CHDH: variants seen among roughly 807,000 people sequenced by gnomAD.
CHDH encodes choline dehydrogenase, also known as choline dehydrogenase, mitochondrial.
A neutral mutation model predicts 56.9 loss-of-function variants in CHDH; 43 were observed. The ratio of observed to expected loss-of-function variants is 0.76; its 90% CI spans 0.59 to 0.97. The LOEUF (loss-of-function observed/expected upper bound fraction) is 0.97, where lower values mean the gene tolerates loss of function less well. Among genes scored for constraint, CHDH ranks in the 50% least tolerant of loss-of-function variants. CHDH has a pLI of 0.00. For synonymous variants in CHDH, 364 were observed against 348.5 expected (o/e 1.04, Z -0.50); for missense variants, 816 against 821.1 (o/e 0.99, Z 0.08).
Position 53,813,154 on chromosome 3 carries a change from T to G in CHDH, c.*4623A>C, listed in dbSNP as rs981731238. On this transcript the variant is annotated 3_prime_UTR_variant, in exon 9 of 9. Coordinates refer to ENST00000315251, the MANE Select transcript of CHDH (RefSeq NM_018397.5). ...ATTTTTTTTTTTTTTTTTTTTTTTGTAAATAACAAACACCACTTTGTTATG... is the reference window on the plus strand; with the variant it reads ...ATTTTTTTTTTTTTTTTTTTTTTTGGAAATAACAAACACCACTTTGTTATG... 6 of 51,262 alleles carry G rather than the reference T, an allele frequency of 1.2e-4. No homozygotes were observed. Among genetic ancestry groups the G allele is most frequent in the Non-Finnish European group, 2.3e-4 (6 of 26,176 alleles). 3.2% of individuals were successfully genotyped at this position (51,262 alleles called of 1,614,324 possible).
rs2095632000 is a variant in CHDH, at chr3:53,823,425, T to C, written c.584A>G (p.Asn195Ser). ...GPLRVSRGKTNHPLHCAFLEA... is the reference protein window; with the variant it reads ...GPLRVSRGKTSHPLHCAFLEA... Reference sequence around the variant, plus strand: ...CAGGAATGCGCAGTGCAGCGGGTGGTTGGTCTTGCCCCGGGACACCCGCAG... The same window carrying C: ...CAGGAATGCGCAGTGCAGCGGGTGGCTGGTCTTGCCCCGGGACACCCGCAG... Residue 195 changes from asparagine (N) to serine (S), a missense_variant, in exon 3 of 9, where the codon AAC becomes AGC. Coordinates refer to ENST00000315251, the MANE Select transcript of CHDH (RefSeq NM_018397.5). 1 of 1,587,600 alleles carries C rather than the reference T, an allele frequency of 6.3e-7. No individual in the cohort carries two copies. Among genetic ancestry groups the C allele is most frequent in the South Asian group, 1.1e-5 (1 of 87,312 alleles).
At chr3:53,826,949 C>T (rs779503310) in intron 2 of CHDH, among the ~76,000 whole-genome samples, 2 of 152,130 alleles carry the variant, frequency 1.3e-5, no homozygotes, top group African/African-American at 2.4e-5. Flanking sequence ...ATACCAGCAA[C>T]AAACAAGTGG....
chr3:53,832,178 A>C (rs1316322829), intron 2 of CHDH, among the ~76,000 whole-genome samples: 1 of 152,196 alleles, frequency 6.6e-6, no homozygotes, highest in African/African-American at 2.4e-5. Flanking sequence ...TCTTACACCA[A>C]TGTTTACAGC....
At position 53,846,293 on chromosome 3, in the gene CHDH, G is replaced by A. The variant is rs1698884393; in HGVS notation, c.-341C>T. 1 of 353,448 alleles carries A rather than the reference G, an allele frequency of 2.8e-6. No individual in the cohort carries two copies. Among genetic ancestry groups the A allele is most frequent in the African/African-American group, 2.1e-5 (1 of 46,674 alleles). 21.9% of individuals were successfully genotyped at this position (353,448 alleles called of 1,614,324 possible). The stretch of plus-strand genomic sequence containing the variant: ...TCCAGCGGAGGCGCGCGAAGCCCGA[G>A]GGCGGGTGCAGCTGATGCACCTGGC... On this transcript the variant is annotated 5_prime_UTR_variant, in exon 1 of 9. Transcript: ENST00000315251.
Position 53,824,016 on chromosome 3 carries a change from T to G in CHDH, c.-8A>C. The G allele has an allele frequency of 6.9e-7, 1 of 1,452,234 alleles. No homozygotes were observed. The highest frequency in any genetic ancestry group is 9.0e-7 in the Non-Finnish European group (1 of 1,111,014). 90.0% of individuals were successfully genotyped at this position (1,452,234 alleles called of 1,614,324 possible). Reference sequence around the variant, plus strand: ...TCGTAGGAGACACCACATGCTTCTATCTAGTCCAAGTCCTCTGATCCACGG... The same window carrying G: ...TCGTAGGAGACACCACATGCTTCTAGCTAGTCCAAGTCCTCTGATCCACGG... On this transcript the variant is annotated 5_prime_UTR_variant, in exon 3 of 9. Transcript: ENST00000315251.
Position 53,817,595 on chromosome 3 carries a change from G to C in CHDH, c.*182C>G, listed in dbSNP as rs1325106010. ...GGGAAAGGCTGGGGAAAAGGAGCTG[G>C]ATTCACTGCCCAGTACTTGTCTCAT... On this transcript the variant is annotated 3_prime_UTR_variant, in exon 9 of 9. Transcript: ENST00000315251. 1.8e-6 allele frequency: 1 copy of C among 571,232 alleles called. No homozygotes were observed. The highest frequency in any genetic ancestry group is 3.0e-6 in the Non-Finnish European group (1 of 330,704). 35.4% of individuals were successfully genotyped at this position (571,232 alleles called of 1,614,324 possible).
rs1179386404 is a variant in CHDH at position 53,838,315 on chromosome 3, C to T, written c.-60+2614G>A. On this transcript the variant is annotated intron_variant, in intron 2 of 8. Coordinates refer to ENST00000315251, the MANE Select transcript of CHDH (RefSeq NM_018397.5). Reference sequence around the variant, plus strand: ...ACCCGAATCCCTTAGGGGCCCCTCCCAGAGTCAAGCACCTGATAGACTAGG... The same window carrying T: ...ACCCGAATCCCTTAGGGGCCCCTCCTAGAGTCAAGCACCTGATAGACTAGG... Among the ~76,000 whole-genome samples, 4 of 152,264 alleles carry T rather than the reference C, an allele frequency of 2.6e-5. No homozygotes were observed. The East Asian group carries it at 7.7e-4, about 29-fold the overall frequency.
chr3:53,819,406 G>C lies in CHDH; in HGVS notation c.1263+126C>G. ...TGGGCAGCTGGAAGGCAGGGGACAG[G>C]CCTCTGTGTCCCCCACTCTGCAGCC... is the stretch of plus-strand genomic sequence containing the variant. On this transcript the variant is annotated intron_variant, in intron 7 of 8. Transcript: ENST00000315251. The surrounding 1 kb of genome is among the most constrained non-coding windows in gnomAD (Gnocchi z 5.4). The C allele has an allele frequency of 7.9e-7, 1 of 1,261,304 alleles. No individual in the cohort carries two copies. Among genetic ancestry groups the C allele is most frequent in the South Asian group, 1.5e-5 (1 of 68,954 alleles). 78.1% of individuals were successfully genotyped at this position (1,261,304 alleles called of 1,614,324 possible). A position where few individuals can be genotyped will look rare whatever the true frequency, so the allele number is the denominator to read the frequency against.
chr3:53,838,671 G>A (rs1037118081), intron 2 of CHDH, among the ~76,000 whole-genome samples: 2 of 152,234 alleles, frequency 1.3e-5, no homozygotes, highest in African/African-American at 4.8e-5. Context: ...CCACCTGGCA[G>A]AGCCCATCAT....
Position 53,824,014 on chromosome 3 carries a change from T to TATCTA in CHDH, c.-11_-7dup. ...CCTCGTAGGAGACACCACATGCTTCTATCTAGTCCAAGTCCTCTGATCCAC... is the reference window on the plus strand; with the variant it reads ...CCTCGTAGGAGACACCACATGCTTCTATCTAATCTAGTCCAAGTCCTCTGATCCAC... On this transcript the variant is annotated 5_prime_UTR_variant, in exon 3 of 9. Coordinates refer to ENST00000315251, the MANE Select transcript of CHDH (RefSeq NM_018397.5). 6.9e-7 allele frequency: 1 copy of TATCTA among 1,452,918 alleles called. No homozygotes were observed. The highest frequency in any genetic ancestry group is 1.4e-5 in the South Asian group (1 of 71,434). 90.0% of individuals were successfully genotyped at this position (1,452,918 alleles called of 1,614,324 possible). A position where few individuals can be genotyped will look rare whatever the true frequency, so the allele number is the denominator to read the frequency against.
chr3:53,820,451 A>G (rs2095624026), intron 6 of CHDH, 23 bp downstream of exon 6: 1 of 1,598,146 alleles, frequency 6.3e-7, no homozygotes, highest in Non-Finnish European at 8.5e-7. Context: ...GTCTCCTCCC[A>G]GGTTACTGGT....
Position 53,816,143 on chromosome 3 carries a change from C to CG in CHDH, c.*1633_*1634insC, listed in dbSNP as rs1443486900. On this transcript the variant is annotated 3_prime_UTR_variant, in exon 9 of 9. Transcript: ENST00000315251. ...TTGTGGCTGTCGGACGCCCCCCCCCCCCGCCCCAGTCTGTAAGCCGCCCCA... is the reference window on the plus strand; with the variant it reads ...TTGTGGCTGTCGGACGCCCCCCCCCCGCCGCCCCAGTCTGTAAGCCGCCCCA... 2.0e-4 allele frequency: 22 copies of CG among 111,030 alleles called. 1 individual carries two copies. Among genetic ancestry groups the CG allele is most frequent in the African/African-American group, 7.9e-4 (22 of 27,964 alleles). 6.9% of individuals were successfully genotyped at this position (111,030 alleles called of 1,614,324 possible).
chr3:53,844,589 C>T (rs2289205), intron 1 of CHDH: 40,908 of 152,760 alleles, frequency 0.27, 5,816 homozygotes, highest in Middle Eastern at 0.33. Context: ...AACCTCCGCA[C>T]CCTGGTTGTC....
chr3:53,824,539 G>A (rs900013360), intron 2 of CHDH, among the ~76,000 whole-genome samples: 4 of 152,166 alleles, frequency 2.6e-5, no homozygotes, highest in Non-Finnish European at 4.4e-5. Flanking sequence ...TTAGGGCCTG[G>A]GAAAAGGACA....
Position 53,823,310 on chromosome 3 carries a change from A to T in CHDH, c.699T>A (p.His233Gln). 6.4e-7 allele frequency: 1 copy of T among 1,554,000 alleles called. No individual in the cohort carries two copies. Among genetic ancestry groups the T allele is most frequent in the Non-Finnish European group, 8.7e-7 (1 of 1,147,986 alleles). Residue 233 changes from histidine to glutamine, a missense_variant, in exon 3 of 9, where the codon CAT becomes CAA. Transcript: ENST00000315251. ...EGFGWMDMTIHEGKRWSAACA... is the reference protein window; with the variant it reads ...EGFGWMDMTIQEGKRWSAACA... ...AAAGAGAAGGGAGACCACTACCTTCATGGATGGTCATGTCCATCCAGCCGA... is the reference window on the plus strand; with the variant it reads ...AAAGAGAAGGGAGACCACTACCTTCTTGGATGGTCATGTCCATCCAGCCGA...
At chr3:53,842,864 G>A (rs1029063904) in intron 1 of CHDH, among the ~76,000 whole-genome samples, 6 of 152,216 alleles carry the variant, frequency 3.9e-5, no homozygotes, top group African/African-American at 1.4e-4. Context: ...ACCGAGGCCA[G>A]GAGTGCTCCC....
intron 3 of CHDH, 43 bp from the exon 4 acceptor site, chr3:53,822,685 C>A: frequency 6.3e-7 from 1 of 1,583,276 alleles, no homozygotes; most frequent in Non-Finnish European, 8.6e-7. Flanking sequence ...TCCGCCCTCC[C>A]CTGGCACCTG....
In CHDH at chr3:53,814,625, G is replaced by C. The variant is rs1228636594; in HGVS notation, c.*3152C>G. The C allele has an allele frequency of 6.6e-6, 1 of 152,164 alleles. No homozygotes were observed. The highest frequency in any genetic ancestry group is 1.5e-5 in the Non-Finnish European group (1 of 68,054). The allele number at this position is 152,164 out of a possible 1,614,324, so 9.4% of individuals were successfully genotyped here. On this transcript the variant is annotated 3_prime_UTR_variant, in exon 9 of 9. Coordinates refer to ENST00000315251, the MANE Select transcript of CHDH (RefSeq NM_018397.5). Reference sequence around the variant, plus strand: ...TCAGTAGAAGCATGAAACCACTTCTGAGTGGCGGGACATGGTTGGGTGGAG... The same window carrying C: ...TCAGTAGAAGCATGAAACCACTTCTCAGTGGCGGGACATGGTTGGGTGGAG...
At position 53,819,804 on chromosome 3, in the gene CHDH, C is replaced by T; in HGVS notation, c.1121-130G>A. 8 of 1,125,198 alleles carry T rather than the reference C, an allele frequency of 7.1e-6. No homozygotes were observed. In the South Asian group the frequency reaches 1.3e-4, roughly 19 times the overall value. 69.7% of individuals were successfully genotyped at this position (1,125,198 alleles called of 1,614,324 possible). On this transcript the variant is annotated intron_variant, in intron 6 of 8. Transcript: ENST00000315251. This position sits in a 1 kb window ranked among gnomAD's most constrained non-coding sequence, Gnocchi z 5.4. ...CCCGGACTCCACTCTAGTGCCTGGA[C>T]CCAAGTCCTGTCCACATCTGTTCAC...
Sources: allele counts gnomAD v4.1 joint callset (sites outside exome capture counted in the v4.1 genomes callset), GRCh38; gene constraint gnomAD v4.1.1; non-coding constraint Gnocchi (gnomAD v3.1); transcripts MANE v1.5; gene names NCBI Gene and HGNC (gene_info 2026-07-23, HGNC 2026-07-21).